USP33: variants seen among roughly 807,000 people sequenced by gnomAD.
The protein encoded by USP33 is ubiquitin carboxyl-terminal hydrolase 33.
USP33 carries 46 observed loss-of-function variants against 124.2 expected under a neutral mutation model. The ratio of observed to expected loss-of-function variants is 0.37; its 90% confidence interval spans 0.29 to 0.47. USP33 has a LOEUF of 0.47. Ranked by LOEUF, USP33 falls within the 20% of genes least tolerant of loss-of-function variation. The pLI, the probability that USP33 is intolerant of heterozygous loss-of-function variation, is 0.99. For synonymous variants in USP33, 350 were observed against 352.3 expected, an observed-to-expected ratio of 0.99 and a Z score of 0.07; for missense variants, 851 against 1,070.6, an observed-to-expected ratio of 0.79 and a Z score of 2.86.
chr1:77,745,517 C>G (rs1312454282), intron 1 of USP33: 1 of 152,164 alleles, frequency 6.6e-6, no homozygotes. Flanking sequence ...TTCCTAACAT[C>G]GATGGTCTTT....
intron 15 of USP33, chr1:77,720,354 AG>A (rs1296550906): frequency 1.0e-6 from 1 of 985,248 alleles, no homozygotes; most frequent in African/African-American, 1.7e-5. Context: ...TTGCTTTACA[AG>A]GAACAATCCC....
At chr1:77,704,594 T>A (rs1674407897) in intron 21 of USP33, among the ~76,000 whole-genome samples, 1 of 152,194 alleles carries the variant, frequency 6.6e-6, no homozygotes, top group Non-Finnish European at 1.5e-5. Flanking sequence ...TCTCACTCTG[T>A]TCTCTTTTAA....
chr1:77,751,363 T>C (rs1245158821), intron 1 of USP33, among the ~76,000 whole-genome samples: 1 of 152,158 alleles, frequency 6.6e-6, no homozygotes, highest in Non-Finnish European at 1.5e-5. Flanking sequence ...AATGCAAAAC[T>C]GCTTCTGGGC....
intron 1 of USP33, among the ~76,000 whole-genome samples, chr1:77,754,289 A>G (rs955132988): frequency 5.3e-5 from 8 of 152,210 alleles, no homozygotes; most frequent in African/African-American, 1.7e-4. Context: ...CAGCAGTACC[A>G]TATGAAATAT....
intron 15 of USP33, among the ~76,000 whole-genome samples, chr1:77,718,901 C>G (rs1474522693): frequency 6.8e-6 from 1 of 146,052 alleles, no homozygotes; most frequent in East Asian, 2.0e-4. Flanking sequence ...TGTACTCCAG[C>G]CTGGGCTAGA....
intron 22 of USP33, among the ~76,000 whole-genome samples, chr1:77,699,937 C>T (rs1673816766): frequency 6.6e-6 from 1 of 151,870 alleles, no homozygotes; most frequent in African/African-American, 2.4e-5. Flanking sequence ...CAAACTAATG[C>T]AAGAACAGAA....
intron 8 of USP33, 80 bp downstream of exon 8, chr1:77,730,537 TA>T: frequency 9.2e-7 from 1 of 1,083,176 alleles, no homozygotes; most frequent in Non-Finnish European, 1.2e-6. Flanking sequence ...TCCGGCTCCA[TA>T]AATGGACCTG....
chr1:77,721,450 G>A, intron 14 of USP33: 1 of 562,410 alleles, frequency 1.8e-6, no homozygotes, highest in Non-Finnish European at 3.1e-6. Flanking sequence ...CTTACTGACT[G>A]CCTGTCATAT....
intron 20 of USP33, among the ~76,000 whole-genome samples, chr1:77,712,274 T>G (rs1469340576): frequency 2.0e-5 from 3 of 152,224 alleles, no homozygotes; most frequent in Non-Finnish European, 2.9e-5. Flanking sequence ...ACATAATTAG[T>G]AGGAAAACTG....
At position 77,729,669 on chromosome 1, in the gene USP33, T is replaced by A. The variant is rs568786529; in HGVS notation, c.717+191A>T. Among the ~76,000 whole-genome samples, 49 of 150,580 alleles carry A rather than the reference T, an allele frequency of 3.3e-4. No individual in the cohort carries two copies. In the South Asian group the frequency reaches 3.8e-3, roughly 12 times the overall value. ...CTGGGCGATAGAGCAAGACTCTGCC[T>A]CAAAAAAAAGATAAAGATAAAGGAA... On this transcript the variant is annotated intron_variant, in intron 9 of 23. Coordinates refer to ENST00000370794, the MANE Select transcript of USP33 (RefSeq NM_201624.3).
intron 1 of USP33, chr1:77,759,343 C>T (rs1681107080): frequency 2.5e-5 from 9 of 365,858 alleles, no homozygotes; most frequent in Admixed American, 4.6e-5. Flanking sequence ...GCTTCTCGGG[C>T]TCACCTGCAC....
chr1:77,718,087 G>A (rs1570768470), intron 16 of USP33, 40 bp from the exon 17 acceptor site: 14 of 1,507,426 alleles, frequency 9.3e-6, no homozygotes, highest in Admixed American at 6.2e-5. Context: ...TGTCAATACA[G>A]AAAACAAAAA....
rs1336586334 is a variant in USP33, at chr1:77,722,056, C to T, written c.1530G>A (p.Gly510=). Residue 510 remains glycine (G), a synonymous_variant, in exon 13 of 24, where the codon GGG becomes GGA. Coordinates refer to ENST00000370794, the MANE Select transcript of USP33 (RefSeq NM_201624.3). ...CATATTCCATGAAAAAAGCTATCCACCCTTGTGGAGCATATGCTTCGCCAC... is the reference window on the plus strand; with the variant it reads ...CATATTCCATGAAAAAAGCTATCCATCCTTGTGGAGCATATGCTTCGCCAC... ...GSCGEAYAPQ[G]WIAFFMEYVK... 3 of 1,613,746 alleles carry T rather than the reference C, an allele frequency of 1.9e-6. No individual in the cohort carries two copies. The African/African-American group carries it at 4.0e-5, about 22-fold the overall frequency.
intron 22 of USP33, among the ~76,000 whole-genome samples, chr1:77,698,668 T>C (rs1349272554): frequency 1.3e-5 from 2 of 149,962 alleles, no homozygotes; most frequent in East Asian, 3.9e-4. Context: ...GCCCAGCTAA[T>C]TTTTTGTATT....
rs753398144 is a variant in USP33 at position 77,741,385 on chromosome 1, T to C, written c.126A>G (p.Ala42=). 1.9e-6 allele frequency: 3 copies of C among 1,608,626 alleles called. No homozygotes were observed. The highest frequency in any genetic ancestry group is 2.5e-6 in the Non-Finnish European group (3 of 1,178,742). ...AAAAACATATACACACCTCCAGACA[T>C]GCCCAAAGATTTGGTCCTTGGACTT... ...DCKVQGPNLW[A]CLENRCSYVG... The change falls in exon 3 of 24, where the codon GCA becomes GCG. Residue 42 remains alanine, a synonymous_variant. Coordinates refer to ENST00000370794, the MANE Select transcript of USP33 (RefSeq NM_201624.3).
Position 77,734,861 on chromosome 1 carries a change from C to T in USP33, c.455-445G>A, listed in dbSNP as rs551507998. On this transcript the variant is annotated intron_variant, in intron 6 of 23. Transcript: ENST00000370794. ...TATTTATGCCGGGCGCAGTGGCTCA[C>T]GCCTGTAATCCCAGCACTTTGGGAG... 3.9e-5 allele frequency among the ~76,000 whole-genome samples: 6 copies of T among 152,260 alleles called. No individual in the cohort carries two copies. The East Asian group carries it at 5.8e-4, about 15-fold the overall frequency.
intron 16 of USP33, 134 bp from the exon 17 acceptor site, chr1:77,718,181 T>A: frequency 1.3e-6 from 1 of 778,002 alleles, no homozygotes; most frequent in Non-Finnish European, 2.0e-6. Context: ...ATTATGAAGT[T>A]ATTTAGATTT....
chr1:77,750,603 C>A (rs747613042), intron 1 of USP33, among the ~76,000 whole-genome samples: 1 of 145,172 alleles, frequency 6.9e-6, no homozygotes, highest in Non-Finnish European at 1.5e-5. Context: ...GCCTGTGCAA[C>A]ACAGCAAGAC....
In USP33 at chr1:77,729,863, C is replaced by A. The variant is rs1451448136; in HGVS notation, c.714G>T (p.Gln238His). 6.2e-7 allele frequency: 1 copy of A among 1,613,288 alleles called. No homozygotes were observed. ...AAATGAAAAGCAATAAACTAACCTG[C>A]TGAGAATACCCCCGAAATGTTGGAT... ...TVNPTFRGYS[Q>H]QDAQEFLRCL... The change falls in exon 9 of 24, where the codon CAG becomes CAT. Residue 238 changes from glutamine (Q) to histidine (H), a missense_variant. Physicochemically the swap from Gln to His is conservative, Grantham distance 24. Coordinates refer to ENST00000370794, the MANE Select transcript of USP33 (RefSeq NM_201624.3).
Sources: gnomAD v4.1 joint callset for allele counts (sites outside exome capture counted in the v4.1 genomes callset) on GRCh38, gnomAD v4.1.1 for gene constraint, MANE v1.5 for transcripts, NCBI Gene and HGNC (gene_info 2026-07-23, HGNC 2026-07-21) for gene names.